The following SLC39A12 variants were observed in gnomAD, a reference collection of about 807,000 sequenced individuals.
SLC39A12 encodes the protein zinc transporter ZIP12.
Under a neutral mutation model 71.1 loss-of-function variants are expected in SLC39A12, and 63 were observed. The observed-to-expected ratio is 0.89, with a 90% CI of 0.72 to 1.09. The LOEUF is 1.09. Ranked by LOEUF, SLC39A12 falls within the 50% of genes least tolerant of loss-of-function variation. The pLI is 0.00. For synonymous variants in SLC39A12, 351 were observed against 301.3 expected (o/e 1.16, Z -1.71); for missense variants, 892 against 812.6 (o/e 1.10, Z -1.19).
At chr10:18,004,887 C>A (rs965509519) in intron 12 of SLC39A12, among the ~76,000 whole-genome samples, 1 of 152,114 alleles carries the variant, frequency 6.6e-6, no homozygotes, top group African/African-American at 2.4e-5. Context: ...TGGAATAATA[C>A]GCTGCCATAA....
chr10:18,001,742 T>C (rs1274290661), intron 11 of SLC39A12: 3 of 152,208 alleles, frequency 2.0e-5, no homozygotes, highest in Non-Finnish European at 1.5e-5. Context: ...GATGTTTTGA[T>C]ACAGGTATGT....
At chr10:18,026,695 T>G (rs1307059601) in intron 12 of SLC39A12, among the ~76,000 whole-genome samples, 1 of 152,076 alleles carries the variant, frequency 6.6e-6, no homozygotes, top group Non-Finnish European at 1.5e-5. Context: ...GATATTCTCT[T>G]TAGAGTTTTC....
At chr10:17,996,666 A>G (rs2497756) in intron 10 of SLC39A12, among the ~76,000 whole-genome samples, 120,257 of 152,144 alleles carry the variant, frequency 0.79, 48,684 homozygotes, top group Non-Finnish European at 0.89. Context: ...GCTCAAGATT[A>G]TATAGCTAGT....
rs1227396412 is a variant in SLC39A12 at position 17,965,530 on chromosome 10, T to C, written c.591T>C (p.Ser197=). The C allele has an allele frequency of 6.2e-7, 1 of 1,614,200 alleles. No homozygotes were observed. Among genetic ancestry groups the C allele is most frequent in the African/African-American group, 1.3e-5 (1 of 75,056 alleles). ...TLQKKSGIVS[S]EGANESTLPQ... ...AGAAAAAATCTGGAATAGTGAGCAG[T>C]GAAGGTGCTAATGAAAGTACGCTTC... The change falls in exon 4 of 13, where the codon AGT becomes AGC. Residue 197 remains serine (S), a synonymous_variant. Transcript: ENST00000377369.
At chr10:18,035,380 C>T (rs1190171580) in intron 12 of SLC39A12, among the ~76,000 whole-genome samples, 120 of 123,152 alleles carry the variant, frequency 9.7e-4, no homozygotes, top group Admixed American at 1.3e-3. Context: ...CTTCCCTTCT[C>T]GCTTCATTTC....
chr10:17,992,610 A>G (rs2130828064), intron 8 of SLC39A12, among the ~76,000 whole-genome samples: 1 of 152,332 alleles, frequency 6.6e-6, no homozygotes, highest in East Asian at 1.9e-4. Flanking sequence ...CTGGGTTGGG[A>G]AAACTAAATT....
chr10:17,969,569 GT>G (rs1318777984), intron 4 of SLC39A12, among the ~76,000 whole-genome samples: 1 of 152,062 alleles, frequency 6.6e-6, no homozygotes, highest in African/African-American at 2.4e-5. Flanking sequence ...TCATATTCCT[GT>G]TTGCCATTTG....
intron 2 of SLC39A12, among the ~76,000 whole-genome samples, chr10:17,955,304 C>A (rs1834512708): frequency 6.6e-6 from 1 of 151,728 alleles, no homozygotes; most frequent in African/African-American, 2.4e-5. Flanking sequence ...CTTGAAACAC[C>A]ATCTTAAATA....
chr10:18,042,463 G>GAAAA (rs551298382), intron 12 of SLC39A12, among the ~76,000 whole-genome samples: 9 of 115,046 alleles, frequency 7.8e-5, no homozygotes, highest in South Asian at 3.1e-4. Flanking sequence ...TGCCTCAAAA[G>GAAAA]AAAAAAAAAA....
intron 12 of SLC39A12, among the ~76,000 whole-genome samples, chr10:18,032,734 CA>C (rs1326447255): frequency 6.6e-6 from 1 of 151,966 alleles, no homozygotes; most frequent in East Asian, 1.9e-4. Flanking sequence ...TGCCAGTTTT[CA>C]AAGGGAATGC....
chr10:17,952,677 G>A (rs996562937), intron 1 of SLC39A12, among the ~76,000 whole-genome samples: 2 of 151,654 alleles, frequency 1.3e-5, no homozygotes, highest in Non-Finnish European at 2.9e-5. Flanking sequence ...CAGTAGAGAC[G>A]GGGGTGTCAC....
intron 12 of SLC39A12, among the ~76,000 whole-genome samples, chr10:18,038,072 A>G (rs952766347): frequency 4.2e-5 from 6 of 142,374 alleles, no homozygotes; most frequent in African/African-American, 1.6e-4. Context: ...CTGTATGGCA[A>G]GTTATCATAG....
chr10:17,991,285 T>G lies in SLC39A12; in HGVS notation c.1404T>G (p.Leu468=), dbSNP rs59434947. ...FFLIEKCFIL[L]VSPNDKQGLS... ...TGATAGAAAAATGTTTTATTCTTCTTGTATCACCAAATGACAAGGTATATT... is the reference window on the plus strand; with the variant it reads ...TGATAGAAAAATGTTTTATTCTTCTGGTATCACCAAATGACAAGGTATATT... The change falls in exon 8 of 13, where the codon CTT becomes CTG. Residue 468 remains leucine, a synonymous_variant. Transcript: ENST00000377369. The G allele has an allele frequency of 6.3e-7, 1 of 1,588,794 alleles. No homozygotes were observed. Among genetic ancestry groups the G allele is most frequent in the East Asian group, 2.3e-5 (1 of 44,298 alleles).
chr10:18,017,612 C>A (rs1836422481), intron 12 of SLC39A12, among the ~76,000 whole-genome samples: 1 of 152,172 alleles, frequency 6.6e-6, no homozygotes, highest in Non-Finnish European at 1.5e-5. Context: ...AAGTGGATTT[C>A]AGGTTGTTCC....
At chr10:18,022,859 T>G (rs1056635218) in intron 12 of SLC39A12, among the ~76,000 whole-genome samples, 1 of 152,234 alleles carries the variant, frequency 6.6e-6, no homozygotes, top group African/African-American at 2.4e-5. Flanking sequence ...TCTTTTTTTG[T>G]GGCTGAATTC....
intron 12 of SLC39A12, among the ~76,000 whole-genome samples, chr10:18,036,815 T>C (rs962778054): frequency 1.6e-5 from 2 of 128,988 alleles, no homozygotes; most frequent in African/African-American, 3.0e-5. Flanking sequence ...TAATGGAATC[T>C]CACTCTTGTC....
chr10:18,040,972 A>G (rs955264641), intron 12 of SLC39A12, among the ~76,000 whole-genome samples: 2 of 152,100 alleles, frequency 1.3e-5, no homozygotes, highest in African/African-American at 2.4e-5. Flanking sequence ...AGTAGGAGCC[A>G]TAGATACTGC....
At chr10:18,041,370 C>CCACACA (rs1344290365) in intron 12 of SLC39A12, among the ~76,000 whole-genome samples, 1 of 151,572 alleles carries the variant, frequency 6.6e-6, no homozygotes, top group African/African-American at 2.4e-5. Context: ...GCAGCACATG[C>CCACACA]CTGTAGTCCT....
At chr10:17,993,476 C>G (rs576024679) in intron 9 of SLC39A12, among the ~76,000 whole-genome samples, 185 bp downstream of exon 9, 1 of 152,328 alleles carries the variant, frequency 6.6e-6, no homozygotes, top group East Asian at 1.9e-4. Context: ...TAAAGAGCAA[C>G]AGGCACCCTC....
Sources: gnomAD v4.1 joint callset for allele counts (sites outside exome capture counted in the v4.1 genomes callset) on GRCh38, gnomAD v4.1.1 for gene constraint, MANE v1.5 for transcripts, NCBI Gene and HGNC (gene_info 2026-07-23, HGNC 2026-07-21) for gene names.